Variants in MCC observed in about 807,000 individuals in gnomAD.
MCC encodes the protein MCC regulator of Wnt signaling pathway.
MCC carries 90 observed loss-of-function variants against 116.2 expected under a neutral mutation model. The ratio of observed to expected loss-of-function variants is 0.77; its 90% confidence interval spans 0.65 to 0.92. MCC has a LOEUF of 0.92. Ranked by LOEUF, MCC falls within the 40% of genes least tolerant of loss-of-function variation. The pLI is 0.00. For synonymous variants in MCC, 578 were observed against 510.5 expected, an observed-to-expected ratio of 1.13 and a Z score of -1.78; for missense variants, 1,516 against 1,312.2, an observed-to-expected ratio of 1.16 and a Z score of -2.40.
chr5:113,270,918 T>A (rs747965173), intron 3 of MCC, among the ~76,000 whole-genome samples: 1 of 151,914 alleles, frequency 6.6e-6, no homozygotes, highest in Non-Finnish European at 1.5e-5. Context: ...AAAATATATA[T>A]ATATACAAAC....
intron 17 of MCC, among the ~76,000 whole-genome samples, chr5:113,030,687 A>AC (rs1208943807): frequency 2.0e-5 from 3 of 152,186 alleles, no homozygotes; most frequent in Non-Finnish European, 4.4e-5. Flanking sequence ...AAACAAACAA[A>AC]AAAATCAGAT....
chr5:113,078,562 C>T (rs113892748), intron 11 of MCC, among the ~76,000 whole-genome samples: 2,465 of 152,236 alleles, frequency 0.016, 78 homozygotes, highest in African/African-American at 0.056. Flanking sequence ...AAAAACCACA[C>T]GATTATCTCA....
rs1297642395 is a variant in MCC, at chr5:113,080,833, G to GAA, written c.1784+2025_1784+2026dup. Among the ~76,000 whole-genome samples, 334 of 137,206 alleles carry GAA rather than the reference G, an allele frequency of 2.4e-3. 2 individuals carry two copies. Among genetic ancestry groups the GAA allele is most frequent in the African/African-American group, 8.5e-3 (319 of 37,506 alleles). The allele number at this position is 137,206 out of a possible 152,430, so 90.0% of individuals were successfully genotyped here. On this transcript the variant is annotated intron_variant, in intron 11 of 18. Transcript: ENST00000408903. The stretch of plus-strand genomic sequence containing the variant: ...ACAACAACAAAAAAAAAAAAGAAAA[G>GAA]AAAAAAGAAAAATCACCCCTCCCAG...
chr5:113,240,767 G>C (rs960826640), intron 3 of MCC, among the ~76,000 whole-genome samples: 1 of 152,234 alleles, frequency 6.6e-6, no homozygotes, highest in Admixed American at 6.5e-5. Flanking sequence ...TTGAGGAGCA[G>C]ATGGAGGTCT....
Position 113,452,537 on chromosome 5 carries a change from T to C in MCC, c.170+35708A>G, listed in dbSNP as rs1225162729. ...CATCTATGAACCAGGAAGCAGGCCC[T>C]TACCAGAGACTGAATCTGTCCACAT... On this transcript the variant is annotated intron_variant, in intron 1 of 18. Transcript: ENST00000408903. Among the ~76,000 whole-genome samples, 3 of 152,342 alleles carry C rather than the reference T, an allele frequency of 2.0e-5. No individual in the cohort carries two copies. In the East Asian group the frequency reaches 5.8e-4, roughly 29 times the overall value.
At chr5:113,398,688 G>A (rs910295727) in intron 1 of MCC, among the ~76,000 whole-genome samples, 1 of 152,196 alleles carries the variant, frequency 6.6e-6, no homozygotes, top group African/African-American at 2.4e-5. Flanking sequence ...ACATGGGAGA[G>A]GGAGGAAGGA....
intron 2 of MCC, among the ~76,000 whole-genome samples, chr5:113,362,150 T>TG (rs1469578909): frequency 6.6e-6 from 1 of 152,194 alleles, no homozygotes; most frequent in African/African-American, 2.4e-5. Context: ...TCCTATCATA[T>TG]GGGGTTTATA....
intron 3 of MCC, among the ~76,000 whole-genome samples, chr5:113,179,588 T>A (rs1358675471): frequency 2.0e-5 from 3 of 152,224 alleles, no homozygotes; most frequent in African/African-American, 7.2e-5. Flanking sequence ...ACACACTGAA[T>A]CAATTTCTAT....
intron 1 of MCC, among the ~76,000 whole-genome samples, chr5:113,415,261 C>T (rs186357015): frequency 0.032 from 4,897 of 152,146 alleles, 110 homozygotes; most frequent in East Asian, 0.076. Flanking sequence ...TTGCTTTTCT[C>T]GAGGAGTATC....
At chr5:113,439,548 A>C (rs535003955) in intron 1 of MCC, among the ~76,000 whole-genome samples, 1 of 152,204 alleles carries the variant, frequency 6.6e-6, no homozygotes, top group Admixed American at 6.5e-5. Flanking sequence ...GTCCTAGCCT[A>C]CCTCACAACT....
intron 2 of MCC, among the ~76,000 whole-genome samples, chr5:113,369,820 C>G (rs1768795389): frequency 6.6e-6 from 1 of 152,178 alleles, no homozygotes; most frequent in Non-Finnish European, 1.5e-5. Flanking sequence ...AGCCCTACCT[C>G]CCTCTCCCTT....
At chr5:113,246,759 C>T (rs923641421) in intron 3 of MCC, among the ~76,000 whole-genome samples, 3 of 152,168 alleles carry the variant, frequency 2.0e-5, no homozygotes, top group Non-Finnish European at 4.4e-5. Flanking sequence ...TTATGTGTTA[C>T]TTCTGTAAAG....
At chr5:113,147,035 T>C (rs570365489) in intron 4 of MCC, among the ~76,000 whole-genome samples, 3 of 152,184 alleles carry the variant, frequency 2.0e-5, no homozygotes, top group Non-Finnish European at 4.4e-5. Context: ...ATGATTGACA[T>C]TGGATATGAC....
chr5:113,032,822 G>C (rs992013312), intron 17 of MCC, among the ~76,000 whole-genome samples: 4 of 152,148 alleles, frequency 2.6e-5, no homozygotes, highest in Non-Finnish European at 5.9e-5. Context: ...GCAAACCCAA[G>C]ACGGCCACAA....
chr5:113,239,138 G>C (rs1764263416), intron 3 of MCC, among the ~76,000 whole-genome samples: 1 of 152,152 alleles, frequency 6.6e-6, no homozygotes, highest in Admixed American at 6.5e-5. Flanking sequence ...CATACAAGCT[G>C]TTAAAGCTCT....
At chr5:113,052,251 T>C (rs929032790) in intron 15 of MCC, among the ~76,000 whole-genome samples, 4 of 152,090 alleles carry the variant, frequency 2.6e-5, no homozygotes, top group African/African-American at 7.2e-5. Context: ...TTGGAACAAA[T>C]GATGGAAGGG....
intron 3 of MCC, among the ~76,000 whole-genome samples, chr5:113,326,037 C>T (rs1003558159): frequency 1.3e-5 from 2 of 152,134 alleles, no homozygotes; most frequent in African/African-American, 2.4e-5. Flanking sequence ...TTATTTATAT[C>T]TTTGATTATA....
At chr5:113,417,822 A>C (rs949542949) in intron 1 of MCC, among the ~76,000 whole-genome samples, 8 of 152,048 alleles carry the variant, frequency 5.3e-5, no homozygotes, top group Non-Finnish European at 2.9e-5. Context: ...CTAGCTACTC[A>C]GGAGGCTGAG....
intron 3 of MCC, among the ~76,000 whole-genome samples, chr5:113,266,083 C>G (rs1765406015): frequency 6.6e-6 from 1 of 152,124 alleles, no homozygotes; most frequent in Non-Finnish European, 1.5e-5. Flanking sequence ...TTTCAACTTT[C>G]ATTAAAATCC....
Sources: gnomAD v4.1 joint callset for allele counts (sites outside exome capture counted in the v4.1 genomes callset) on GRCh38, gnomAD v4.1.1 for gene constraint, MANE v1.5 for transcripts, NCBI Gene and HGNC (gene_info 2026-07-23, HGNC 2026-07-21) for gene names.